Variants in USP39 observed in about 807,000 individuals in gnomAD.
USP39 encodes ubiquitin carboxyl-terminal hydrolase 39.
A neutral mutation model predicts 66.4 loss-of-function variants in USP39; 38 were observed. The observed-to-expected ratio is 0.57, with a 90% CI of 0.44 to 0.75. The LOEUF (loss-of-function observed/expected upper bound fraction) is 0.75. Ranked by LOEUF, USP39 falls within the 30% of genes least tolerant of loss-of-function variation. The pLI is 0.00. For synonymous variants in USP39, 303 were observed against 274.6 expected (o/e 1.10, Z -1.02); for missense variants, 608 against 714.4 (o/e 0.85, Z 1.70).
chr2:85,609,001 CT>C (rs1673329556), upstream of USP39: 1 of 1,614,130 alleles, frequency 6.2e-7, no homozygotes. Flanking sequence ...TTGAGGGCTT[CT>C]CGCATGGGTG....
chr2:85,642,075 T>G (rs1424286324), intron 10 of USP39, among the ~76,000 whole-genome samples: 1 of 152,160 alleles, frequency 6.6e-6, no homozygotes, highest in African/African-American at 2.4e-5. Flanking sequence ...ATATGTTCTC[T>G]CATAGATAAA....
intron 10 of USP39, among the ~76,000 whole-genome samples, chr2:85,642,013 T>G (rs546718019): frequency 7.2e-6 from 1 of 139,350 alleles, no homozygotes; most frequent in South Asian, 2.3e-4. Flanking sequence ...GGCCTGAGTT[T>G]TAGGCTGTCT....
intron 6 of USP39, 28 bp from the exon 7 acceptor site, chr2:85,636,025 A>G (rs1675741437): frequency 1.2e-6 from 2 of 1,611,642 alleles, no homozygotes; most frequent in Non-Finnish European, 1.7e-6. Flanking sequence ...CTTAGCTTCA[A>G]CGTTTTCCAC....
In USP39 at chr2:85,630,774, T is replaced by C. The variant is rs1675257805; in HGVS notation, c.777T>C (p.Tyr259=). ...LRNYFLEEDN[Y]KNIKRPPGDI... The stretch of plus-strand genomic sequence containing the variant: ...ACTACTTTCTGGAAGAAGACAATTA[T>C]AAGAACATCAAACGTCCTCCAGGGG... Residue 259 remains tyrosine (Y), a synonymous_variant, in exon 6 of 13, where the codon TAT becomes TAC. Coordinates refer to ENST00000323701, the MANE Select transcript of USP39 (RefSeq NM_006590.4). 1 of 1,614,200 alleles carries C rather than the reference T, an allele frequency of 6.2e-7. No individual in the cohort carries two copies. Among genetic ancestry groups the C allele is most frequent in the Non-Finnish European group, 8.5e-7 (1 of 1,180,040 alleles).
intron 6 of USP39, among the ~76,000 whole-genome samples, chr2:85,633,391 G>C (rs1337171936): frequency 6.6e-6 from 1 of 152,154 alleles, no homozygotes; most frequent in East Asian, 1.9e-4. Context: ...CCAAAGTGCT[G>C]GGATTACAGG....
At chr2:85,639,076 A>G in intron 8 of USP39, 127 bp from the exon 9 acceptor site, 1 of 940,194 alleles carries the variant, frequency 1.1e-6, no homozygotes, top group Non-Finnish European at 1.5e-6. Flanking sequence ...CAAACTGCCC[A>G]ATCTCTCGGG....
At position 85,641,043 on chromosome 2, in the gene USP39, T is replaced by A. The variant is rs1350543708; in HGVS notation, c.1352T>A (p.Ile451Asn). Reference sequence around the variant, plus strand: ...CTTACCAAGTTGCCTCCATATCTAATCTTTTGTATCAAGAGATTCACTAAG... The same window carrying A: ...CTTACCAAGTTGCCTCCATATCTAAACTTTTGTATCAAGAGATTCACTAAG... ...FQLTKLPPYL[I>N]FCIKRFTKNN... is the part of the protein sequence containing the mutation. The change falls in exon 10 of 13, where the codon ATC becomes AAC. Residue 451 changes from isoleucine to asparagine, a missense_variant. Coordinates refer to ENST00000323701, the MANE Select transcript of USP39 (RefSeq NM_006590.4). The A allele has an allele frequency of 6.2e-7, 1 of 1,613,990 alleles. No homozygotes were observed. Among genetic ancestry groups the A allele is most frequent in the Admixed American group, 1.7e-5 (1 of 59,974 alleles).
chr2:85,609,146 A>C, upstream of USP39: 1 of 1,558,248 alleles, frequency 6.4e-7, no homozygotes, highest in Non-Finnish European at 8.7e-7. Flanking sequence ...AAACACTCTC[A>C]CAGAACTCCA....
chr2:85,611,943 C>T (rs762819333), upstream of USP39: 43 of 1,581,732 alleles, frequency 2.7e-5, no homozygotes, highest in East Asian at 9.9e-4. Flanking sequence ...GCCCCCCAGG[C>T]TTGCAGCAGT....
Position 85,620,136 on chromosome 2 carries a change from G to A in USP39, c.338+847G>A, listed in dbSNP as rs1022069556. Among the ~76,000 whole-genome samples the A allele has an allele frequency of 4.0e-5, 6 of 151,234 alleles. No individual in the cohort carries two copies. The East Asian group carries it at 1.2e-3, about 30-fold the overall frequency. On this transcript the variant is annotated intron_variant, in intron 2 of 12. Transcript: ENST00000323701. ...GCCTCCCAAAGTGCTGGGATTACAG[G>A]CATGAGCCACCACGCCCAGCCAACG... is the stretch of plus-strand genomic sequence containing the variant.
Position 85,625,683 on chromosome 2 carries a change from G to A in USP39, c.715G>A (p.Val239Ile), listed in dbSNP as rs372123765. Residue 239 changes from valine to isoleucine, a missense_variant, in exon 5 of 13, where the codon GTC becomes ATC. Val to Ile is a conservative substitution (Grantham distance 29, BLOSUM62 3). Transcript: ENST00000323701. ...AAAGGCCAATGATTATGCCAACGCTGTCCTTCAGGTAAGATCAAGACGGGA... is the reference window on the plus strand; with the variant it reads ...AAAGGCCAATGATTATGCCAACGCTATCCTTCAGGTAAGATCAAGACGGGA... ...NIKANDYANA[V>I]LQALSNVPPL... is the part of the protein sequence containing the mutation. 1.9e-6 allele frequency: 3 copies of A among 1,612,608 alleles called. No individual in the cohort carries two copies. Among genetic ancestry groups the A allele is most frequent in the African/African-American group, 2.7e-5 (2 of 74,858 alleles).
At chr2:85,633,386 G>T (rs948699694) in intron 6 of USP39, among the ~76,000 whole-genome samples, 9 of 152,162 alleles carry the variant, frequency 5.9e-5, no homozygotes, top group African/African-American at 1.9e-4. Context: ...GCCTCCCAAA[G>T]TGCTGGGATT....
At chr2:85,642,053 C>T (rs906919094) in intron 10 of USP39, among the ~76,000 whole-genome samples, 2 of 151,674 alleles carry the variant, frequency 1.3e-5, no homozygotes, top group Non-Finnish European at 2.9e-5. Context: ...CCATAGTTTG[C>T]GTGTTTTCTG....
chr2:85,619,787 T>G (rs560454101), intron 2 of USP39, among the ~76,000 whole-genome samples: 1 of 152,040 alleles, frequency 6.6e-6, no homozygotes, highest in Non-Finnish European at 1.5e-5. Flanking sequence ...CTCAGCCCTT[T>G]GGCAGGCCAA....
upstream of USP39, chr2:85,612,028 A>G (rs1201028583): frequency 1.5e-6 from 2 of 1,354,692 alleles, no homozygotes; most frequent in South Asian, 1.4e-5. Flanking sequence ...GACGGCCCCA[A>G]CAACAGCCAC....
intron 3 of USP39, 42 bp downstream of exon 3, chr2:85,621,621 G>C: frequency 6.9e-7 from 1 of 1,442,572 alleles, no homozygotes; most frequent in South Asian, 1.2e-5. Flanking sequence ...TGCTCCAGAG[G>C]GACTTTTTTT....
In USP39 at chr2:85,632,296, C is replaced by T. The variant is rs1675410209; in HGVS notation, c.949+1350C>T. Among the ~76,000 whole-genome samples, 3 of 152,096 alleles carry T rather than the reference C, an allele frequency of 2.0e-5. No individual in the cohort carries two copies. In the South Asian group the frequency reaches 6.2e-4, roughly 32 times the overall value. On this transcript the variant is annotated intron_variant, in intron 6 of 12. Coordinates refer to ENST00000323701, the MANE Select transcript of USP39 (RefSeq NM_006590.4). The stretch of plus-strand genomic sequence containing the variant: ...AAAGGTTGAGTGTGCTGGCAGAAGC[C>T]TGTGGTCTGAGCTACTTGGGAGGCT...
At chr2:85,605,266 C>T (rs900906744) in intron 1 of USP39, among the ~76,000 whole-genome samples, 10 of 151,946 alleles carry the variant, frequency 6.6e-5, no homozygotes, top group South Asian at 2.1e-4. Flanking sequence ...CTGTAAAAAT[C>T]GTAAGTTTAT....
chr2:85,630,612 G>A, intron 5 of USP39, 109 bp from the exon 6 acceptor site: 2 of 1,051,264 alleles, frequency 1.9e-6, no homozygotes, highest in Non-Finnish European at 2.8e-6. Context: ...GCTCTTTAAG[G>A]CCATCACAGG....
Sources: gnomAD v4.1 joint callset for allele counts (sites outside exome capture counted in the v4.1 genomes callset) on GRCh38, gnomAD v4.1.1 for gene constraint, MANE v1.5 for transcripts, NCBI Gene and HGNC (gene_info 2026-07-23, HGNC 2026-07-21) for gene names.